The following DOCK8 variants were observed in gnomAD, a reference collection of about 807,000 sequenced individuals.
DOCK8 encodes dedicator of cytokinesis protein 8.
A neutral mutation model predicts 245.6 loss-of-function variants in DOCK8; 141 were observed. That is an observed-to-expected ratio of 0.57 (90% CI 0.50 to 0.66). The LOEUF (loss-of-function observed/expected upper bound fraction) is 0.66. Among genes scored for constraint, DOCK8 ranks in the 30% least tolerant of loss-of-function variants. The pLI is 0.00. For missense variants in DOCK8, 2,965 were observed against 2,603.4 expected (o/e 1.14, Z -3.02); for synonymous variants, 1,168 against 970.2 (o/e 1.20, Z -3.79).
upstream of DOCK8, among the ~76,000 whole-genome samples, chr9:212,184 G>T (rs1005443157): frequency 1.3e-5 from 2 of 152,152 alleles, no homozygotes; most frequent in Non-Finnish European, 2.9e-5. Flanking sequence ...ACTTGGAGCA[G>T]TACCCGGTAC....
At chr9:408,330 C>A (rs146321873) in intron 28 of DOCK8, among the ~76,000 whole-genome samples, 1 of 152,212 alleles carries the variant, frequency 6.6e-6, no homozygotes, top group Non-Finnish European at 1.5e-5. Flanking sequence ...TCTATGTCTG[C>A]GTCTCCTGGC....
intron 1 of DOCK8, among the ~76,000 whole-genome samples, chr9:247,245 G>A (rs2047526704): frequency 1.3e-5 from 2 of 152,056 alleles, no homozygotes; most frequent in South Asian, 4.1e-4. Flanking sequence ...TAATTTGAAT[G>A]TGCTATTCTT....
At chr9:216,778 A>G (rs1045915703) in intron 1 of DOCK8, among the ~76,000 whole-genome samples, 5 of 152,030 alleles carry the variant, frequency 3.3e-5, no homozygotes, top group African/African-American at 1.2e-4. Flanking sequence ...GTTAGAAACT[A>G]TGGGGTTGGG....
intron 33 of DOCK8, among the ~76,000 whole-genome samples, chr9:425,761 G>GAAAAA (rs375380501): frequency 9.9e-6 from 1 of 101,134 alleles, no homozygotes; most frequent in African/African-American, 3.7e-5. Context: ...TGTCTCTAAG[G>GAAAAA]AAAAAAAAAA....
At chr9:432,382 G>A (rs1418851544) in intron 37 of DOCK8, 58 bp downstream of exon 37, 3 of 1,472,588 alleles carry the variant, frequency 2.0e-6, no homozygotes, top group Middle Eastern at 1.7e-4. Context: ...CAACTATTGT[G>A]TATGTATGTA....
At chr9:428,313 C>T in intron 34 of DOCK8, 49 bp from the exon 35 acceptor site, 1 of 1,613,216 alleles carries the variant, frequency 6.2e-7, no homozygotes, top group Non-Finnish European at 8.5e-7. Context: ...ACATCCAGTT[C>T]ATTGGCACAG....
intron 14 of DOCK8, chr9:366,442 T>A (rs993936900): frequency 6.6e-6 from 1 of 152,202 alleles, no homozygotes; most frequent in Non-Finnish European, 1.5e-5. Context: ...TTGTTCCAAT[T>A]ATCATTTTTC....
intron 46 of DOCK8, among the ~76,000 whole-genome samples, chr9:462,246 C>T (rs925202033): frequency 3.3e-5 from 5 of 152,162 alleles, no homozygotes; most frequent in Admixed American, 1.3e-4. Flanking sequence ...TGAATCCTAG[C>T]AATTTCAGTA....
chr9:333,666 C>T (rs1216184914), intron 10 of DOCK8, among the ~76,000 whole-genome samples: 2 of 150,918 alleles, frequency 1.3e-5, no homozygotes, highest in Non-Finnish European at 2.9e-5. Flanking sequence ...TCTACAGACT[C>T]ATAAATGTCA....
intron 26 of DOCK8, among the ~76,000 whole-genome samples, chr9:399,662 C>T (rs73639209): frequency 0.021 from 3,200 of 151,852 alleles, 118 homozygotes; most frequent in African/African-American, 0.073. Flanking sequence ...TGTGATGCTC[C>T]GACTTGAAAG....
At chr9:383,016 C>T (rs1254852929) in intron 22 of DOCK8, among the ~76,000 whole-genome samples, 1 of 152,062 alleles carries the variant, frequency 6.6e-6, no homozygotes, top group Non-Finnish European at 1.5e-5. Flanking sequence ...CTTTTGATAC[C>T]TGGAAAGGTT....
intron 7 of DOCK8, 137 bp downstream of exon 7, chr9:317,265 T>C: frequency 1.3e-6 from 1 of 745,032 alleles, no homozygotes; most frequent in South Asian, 1.5e-5. Flanking sequence ...TGTGGAGTAG[T>C]AGAAAGGGCA....
intron 22 of DOCK8, among the ~76,000 whole-genome samples, chr9:383,385 A>G (rs1416668203): frequency 6.6e-6 from 1 of 152,206 alleles, no homozygotes; most frequent in Non-Finnish European, 1.5e-5. Flanking sequence ...ATACAAAATT[A>G]GCCAGGCGTG....
At chr9:327,977 A>C (rs778060222) in intron 8 of DOCK8, 45 bp from the exon 9 acceptor site, 2 of 1,585,856 alleles carry the variant, frequency 1.3e-6, no homozygotes, top group South Asian at 1.1e-5. Flanking sequence ...TAAACCATGA[A>C]TGCAACAGGT....
intron 7 of DOCK8, among the ~76,000 whole-genome samples, chr9:323,030 T>C (rs541753648): frequency 3.3e-4 from 50 of 149,262 alleles, no homozygotes; most frequent in African/African-American, 1.2e-3. Flanking sequence ...GTGGCGGAGG[T>C]TGCAGTGAGC....
At chr9:252,832 A>C (rs1379626743) in intron 1 of DOCK8, among the ~76,000 whole-genome samples, 1 of 152,012 alleles carries the variant, frequency 6.6e-6, no homozygotes, top group East Asian at 1.9e-4. Flanking sequence ...ACTTCTTCAC[A>C]TCAATTTAGG....
intron 47 of DOCK8, among the ~76,000 whole-genome samples, 183 bp downstream of exon 47, chr9:463,870 G>T (rs1005852232): frequency 6.6e-6 from 1 of 152,164 alleles, no homozygotes; most frequent in Non-Finnish European, 1.5e-5. Flanking sequence ...CCCCATCCCT[G>T]CTCCTTGACC....
rs1328053724 is a variant in DOCK8, at chr9:326,419, G to A, written c.894+682G>A. 3.3e-5 allele frequency among the ~76,000 whole-genome samples: 5 copies of A among 152,266 alleles called. No individual in the cohort carries two copies. The South Asian group carries it at 1.0e-3, about 32-fold the overall frequency. On this transcript the variant is annotated intron_variant, in intron 8 of 47. Transcript: ENST00000432829. ...AACCCAATCTCAGTGGTTTAAAGCAGTAGTTCTCAAACTTGAGCATGCATC... is the reference window on the plus strand; with the variant it reads ...AACCCAATCTCAGTGGTTTAAAGCAATAGTTCTCAAACTTGAGCATGCATC...
intron 35 of DOCK8, 22 bp from the exon 36 acceptor site, chr9:429,680 T>A: frequency 6.2e-7 from 1 of 1,614,172 alleles, no homozygotes; most frequent in Non-Finnish European, 8.5e-7. Flanking sequence ...TGATGCCTAA[T>A]GGCCCTTTAT....
Sources: allele counts gnomAD v4.1 joint callset (sites outside exome capture counted in the v4.1 genomes callset), GRCh38; gene constraint gnomAD v4.1.1; transcripts MANE v1.5; gene names NCBI Gene and HGNC (gene_info 2026-07-23, HGNC 2026-07-21).